The following VRK3 variants were observed in gnomAD, a reference collection of about 807,000 sequenced individuals.
VRK3 encodes serine/threonine-protein kinase VRK3.
VRK3 carries 50 observed loss-of-function variants against 60.4 expected under a neutral mutation model. The ratio of observed to expected loss-of-function variants is 0.83; its 90% CI spans 0.66 to 1.05. The LOEUF is 1.05. Among genes scored for constraint, VRK3 ranks in the 50% least tolerant of loss-of-function variants. VRK3 has a pLI of 0.00. For missense variants in VRK3, 549 were observed against 585.3 expected (o/e 0.94, Z 0.64); for synonymous variants, 246 against 227.8 (o/e 1.08, Z -0.72).
chr19:49,988,595 A>T, intron 11 of VRK3, 103 bp from the exon 12 acceptor site: 4 of 1,442,604 alleles, frequency 2.8e-6, no homozygotes, highest in Non-Finnish European at 3.7e-6. Flanking sequence ...TCAACCACAC[A>T]CTCATACACC....
chr19:49,993,799 C>T (rs564588908), intron 9 of VRK3, among the ~76,000 whole-genome samples: 61 of 152,220 alleles, frequency 4.0e-4, no homozygotes, highest in African/African-American at 1.2e-3. Context: ...AAATTCTGCT[C>T]GTTCTCCTCC....
chr19:50,015,799 G>C (rs553746220), intron 3 of VRK3: 92 of 587,038 alleles, frequency 1.6e-4, no homozygotes, highest in African/African-American at 1.4e-3. Flanking sequence ...GCTGGCTGGA[G>C]ATAGAAATGA....
intron 14 of VRK3, among the ~76,000 whole-genome samples, chr19:49,977,791 G>A (rs1395994882): frequency 6.6e-6 from 1 of 152,126 alleles, no homozygotes; most frequent in African/African-American, 2.4e-5. Flanking sequence ...GAAAGAGGGA[G>A]ATTGGCACAG....
At chr19:50,023,317 T>C (rs1319216441) in intron 1 of VRK3, among the ~76,000 whole-genome samples, 3 of 152,176 alleles carry the variant, frequency 2.0e-5, no homozygotes, top group African/African-American at 7.2e-5. Flanking sequence ...TCCCATGTAG[T>C]TGGGATTACA....
chr19:50,021,306 T>G (rs2077167414), intron 1 of VRK3, among the ~76,000 whole-genome samples: 1 of 152,160 alleles, frequency 6.6e-6, no homozygotes, highest in African/African-American at 2.4e-5. Flanking sequence ...TTCCTCCCCC[T>G]TTGGATCTCG....
intron 5 of VRK3, among the ~76,000 whole-genome samples, chr19:50,006,830 A>G (rs893570764): frequency 1.3e-5 from 2 of 152,136 alleles, no homozygotes; most frequent in Admixed American, 1.3e-4. Flanking sequence ...CTACTGCCAT[A>G]ATTATTTTCC....
chr19:49,983,623 C>T (rs1360177840), intron 12 of VRK3, among the ~76,000 whole-genome samples: 1 of 152,242 alleles, frequency 6.6e-6, no homozygotes, highest in African/African-American at 2.4e-5. Context: ...CAGCAAGGGG[C>T]CTTGAATGCC....
At chr19:50,007,548 C>T in intron 5 of VRK3, 21 bp downstream of exon 5, 1 of 1,611,072 alleles carries the variant, frequency 6.2e-7, no homozygotes, top group Non-Finnish European at 8.5e-7. Context: ...CAGTCCCTGG[C>T]CGCCCATGGA....
In VRK3 at chr19:49,988,500, A is replaced by G; in HGVS notation, c.1097-8T>C. 1 of 1,611,156 alleles carries G rather than the reference A, an allele frequency of 6.2e-7. No homozygotes were observed. The highest frequency in any genetic ancestry group is 8.5e-7 in the Non-Finnish European group (1 of 1,178,356). ...CGCTGCGGCGGGAGGGCCCTGGGGA[A>G]GGAGGAGTAAAGGTGGCAGCTCAAG... On this transcript the variant is annotated splice_region_variant and splice_polypyrimidine_tract_variant and intron_variant, in intron 11 of 14. Coordinates refer to ENST00000316763, the MANE Select transcript of VRK3 (RefSeq NM_016440.4).
At chr19:50,016,974 GAGGTT>G (rs61311983) in intron 2 of VRK3, among the ~76,000 whole-genome samples, 7,892 of 151,988 alleles carry the variant, frequency 0.052, 670 homozygotes, top group African/African-American at 0.18. Context: ...CAGATCACCT[GAGGTT>G]AGGAGTTTGA....
At chr19:49,982,249 C>T (rs974827297) in intron 12 of VRK3, 2 of 702,308 alleles carry the variant, frequency 2.8e-6, no homozygotes, top group African/African-American at 1.7e-5. Flanking sequence ...CATGCCTGAA[C>T]AAAGCTGATA....
At chr19:49,997,265 G>A (rs1232028600) in intron 7 of VRK3, 4 of 421,752 alleles carry the variant, frequency 9.5e-6, no homozygotes, top group Non-Finnish European at 1.7e-5. Flanking sequence ...GAGTATAGGC[G>A]TCAACCCACG....
At chr19:49,984,573 G>A (rs1463470598) in intron 12 of VRK3, among the ~76,000 whole-genome samples, 1 of 152,182 alleles carries the variant, frequency 6.6e-6, no homozygotes, top group Non-Finnish European at 1.5e-5. Flanking sequence ...TGTCCACACT[G>A]AAGCCTGGGC....
At chr19:49,984,777 G>A (rs191418210) in intron 12 of VRK3, among the ~76,000 whole-genome samples, 9 of 152,094 alleles carry the variant, frequency 5.9e-5, no homozygotes, top group East Asian at 5.8e-4. Context: ...GACTACAGTC[G>A]CGTGCCACCA....
intron 9 of VRK3, 50 bp downstream of exon 9, chr19:49,994,764 T>C: frequency 6.5e-7 from 1 of 1,527,604 alleles, no homozygotes; most frequent in South Asian, 1.1e-5. Flanking sequence ...TAAACTAGGA[T>C]GTGATGTGCC....
At chr19:50,003,130 G>T (rs1171149625) in intron 5 of VRK3, among the ~76,000 whole-genome samples, 1 of 152,160 alleles carries the variant, frequency 6.6e-6, no homozygotes, top group Non-Finnish European at 1.5e-5. Flanking sequence ...GCGACAAGCG[G>T]CAAGCAGAGG....
intron 7 of VRK3, among the ~76,000 whole-genome samples, chr19:49,996,840 C>T (rs2076713305): frequency 6.6e-6 from 1 of 151,908 alleles, no homozygotes; most frequent in Non-Finnish European, 1.5e-5. Context: ...TACTCTTGAA[C>T]TCCTGACCTC....
intron 1 of VRK3, among the ~76,000 whole-genome samples, chr19:50,023,445 T>C (rs904692000): frequency 6.6e-6 from 1 of 152,200 alleles, no homozygotes; most frequent in Non-Finnish European, 1.5e-5. Flanking sequence ...CCTCCCAAAG[T>C]CCTGGGATTA....
In VRK3 at chr19:49,982,050, G is replaced by A. The variant is rs900256591; in HGVS notation, c.1218-1037C>T. On this transcript the variant is annotated intron_variant, in intron 12 of 14. Coordinates refer to ENST00000316763, the MANE Select transcript of VRK3 (RefSeq NM_016440.4). ...GGGAGGGAGGTGGTCCCCCGGAGGC[G>A]GCTGCATAACGGAGATATCTGGGTC... is the stretch of plus-strand genomic sequence containing the variant. 1.5e-5 allele frequency: 10 copies of A among 686,638 alleles called. 1 individual carries two copies. The highest frequency in any genetic ancestry group is 6.2e-5 in the Admixed American group (3 of 48,776). 42.5% of individuals were successfully genotyped at this position (686,638 alleles called of 1,614,324 possible).
Sources: gnomAD v4.1 joint callset for allele counts (sites outside exome capture counted in the v4.1 genomes callset) on GRCh38, gnomAD v4.1.1 for gene constraint, MANE v1.5 for transcripts, NCBI Gene and HGNC (gene_info 2026-07-23, HGNC 2026-07-21) for gene names.